NDUFAF7: variants seen among roughly 807,000 people sequenced by gnomAD.
The protein encoded by NDUFAF7 is NADH:ubiquinone oxidoreductase complex assembly factor 7.
In NDUFAF7, 48 loss-of-function variants were observed where a neutral mutation model predicts 47.2. That is an observed-to-expected ratio of 1.02 (90% CI 0.81 to 1.29). The LOEUF is 1.29. Ranked by LOEUF, NDUFAF7 falls within the 50% of genes most tolerant of loss-of-function variation. The pLI is 0.00. For synonymous variants in NDUFAF7, 217 were observed against 190.0 expected (o/e 1.14, Z -1.17); for missense variants, 635 against 537.6 (o/e 1.18, Z -1.79).
chr2:37,249,556 T>C (rs1391566618), downstream of NDUFAF7, among the ~76,000 whole-genome samples: 7 of 46,064 alleles, frequency 1.5e-4, no homozygotes, highest in East Asian at 1.3e-3. Context: ...TAGCCTGTGA[T>C]AGACACACAC....
At chr2:37,250,347 C>T (rs1572582330), downstream of NDUFAF7, among the ~76,000 whole-genome samples, 1 of 152,110 alleles carries the variant, frequency 6.6e-6, no homozygotes, top group Non-Finnish European at 1.5e-5. Context: ...GGGCTAGAGT[C>T]AGGCAATGCC....
At chr2:37,236,008 T>A in intron 2 of NDUFAF7, 88 bp from the exon 3 acceptor site, 1 of 1,123,906 alleles carries the variant, frequency 8.9e-7, no homozygotes, top group Non-Finnish European at 1.4e-6. Context: ...ATTATTTCAC[T>A]TTTACATTAT....
chr2:37,237,816 G>A lies in NDUFAF7; in HGVS notation c.357G>A (p.Gln119=), dbSNP rs1558493537. 1.9e-6 allele frequency: 3 copies of A among 1,613,774 alleles called. No individual in the cohort carries two copies. Among genetic ancestry groups the A allele is most frequent in the African/African-American group, 2.7e-5 (2 of 74,868 alleles). The change falls in exon 4 of 10, where the codon CAG becomes CAA. Residue 119 remains glutamine (Q), a synonymous_variant. Transcript: ENST00000002125. ...WMATGKSTAF[Q]LVELGPGRGT... ...CCACTGGAAAAAGCACAGCTTTCCAGCTGGTGGAACTGGGCCCAGGTAGGG... is the reference window on the plus strand; with the variant it reads ...CCACTGGAAAAAGCACAGCTTTCCAACTGGTGGAACTGGGCCCAGGTAGGG...
At chr2:37,270,197 A>C in the NDUFAF7 span, among the ~76,000 whole-genome samples, 4 of 152,116 alleles carry the variant, frequency 2.6e-5, no homozygotes, top group African/African-American at 7.2e-5. Context: ...ACTGCACTCC[A>C]GCCTGGGCAA....
At position 37,236,678 on chromosome 2, in the gene NDUFAF7, G is replaced by C. The variant is rs970163293; in HGVS notation, c.297+502G>C. Among the ~76,000 whole-genome samples, 3 of 151,882 alleles carry C rather than the reference G, an allele frequency of 2.0e-5. No individual in the cohort carries two copies. The East Asian group carries it at 5.9e-4, about 30-fold the overall frequency. On this transcript the variant is annotated intron_variant, in intron 3 of 9. Transcript: ENST00000002125. ...CGCCTGTAGTCCCAGCTACTTGGGA[G>C]GCTGAGGCAGGAGAATGGCGTGAAC...
At chr2:37,240,614 C>T (rs759163696) in intron 4 of NDUFAF7, among the ~76,000 whole-genome samples, 10 of 152,038 alleles carry the variant, frequency 6.6e-5, no homozygotes, top group Admixed American at 1.3e-4. Context: ...TGTTTTTCAG[C>T]AAGGTCATTT....
chr2:37,258,942 G>A, the NDUFAF7 span, among the ~76,000 whole-genome samples: 2 of 152,190 alleles, frequency 1.3e-5, no homozygotes, highest in Admixed American at 1.3e-4. Context: ...GAAAATGGCT[G>A]CAGGGTACCA....
chr2:37,246,743 G>A (rs1666952919), intron 8 of NDUFAF7, among the ~76,000 whole-genome samples: 1 of 148,594 alleles, frequency 6.7e-6, no homozygotes, highest in Non-Finnish European at 1.5e-5. Context: ...TTCTAGGTCT[G>A]TGGTTCTTAA....
At chr2:37,256,774 A>G, downstream of NDUFAF7, 1 of 1,613,796 alleles carries the variant, frequency 6.2e-7, no homozygotes, top group South Asian at 1.1e-5. Flanking sequence ...TGAGGCTCAC[A>G]TAGATGATAA....
chr2:37,255,447 G>A (rs967194225), downstream of NDUFAF7, among the ~76,000 whole-genome samples: 3 of 152,170 alleles, frequency 2.0e-5, no homozygotes, highest in African/African-American at 7.2e-5. Flanking sequence ...ATCAGTATCA[G>A]CAGACTAAAG....
At chr2:37,251,508 C>G (rs145265371), downstream of NDUFAF7, 279 of 152,632 alleles carry the variant, frequency 1.8e-3, 2 homozygotes, top group East Asian at 6.0e-3. Flanking sequence ...CACAGGAGTA[C>G]TGCATACTGT....
chr2:37,257,013 C>T, downstream of NDUFAF7: 1 of 1,367,274 alleles, frequency 7.3e-7, no homozygotes, highest in Non-Finnish European at 1.0e-6. Flanking sequence ...CTGTATGTAT[C>T]ATTTCAACAT....
At chr2:37,260,524 A>G in the NDUFAF7 span, 19 of 799,388 alleles carry the variant, frequency 2.4e-5, no homozygotes, top group Non-Finnish European at 3.0e-5. Context: ...AAAAATTACA[A>G]TCAATGAAAA....
At chr2:37,257,847 G>A (rs954295026), downstream of NDUFAF7, among the ~76,000 whole-genome samples, 1 of 151,536 alleles carries the variant, frequency 6.6e-6, no homozygotes, top group South Asian at 2.1e-4. Context: ...CTGCCCCAGT[G>A]AGTAACAGCA....
the NDUFAF7 span, among the ~76,000 whole-genome samples, chr2:37,258,976 T>C: frequency 1.3e-5 from 2 of 152,150 alleles, no homozygotes; most frequent in South Asian, 2.1e-4. Context: ...TTTCTCAGGA[T>C]GGTTGTTTCA....
At position 37,241,721 on chromosome 2, in the gene NDUFAF7, G is replaced by A; in HGVS notation, c.552G>A (p.Val184=). 1.9e-6 allele frequency: 3 copies of A among 1,613,962 alleles called. No individual in the cohort carries two copies. The highest frequency in any genetic ancestry group is 2.5e-6 in the Non-Finnish European group (3 of 1,179,992). The part of the protein sequence containing the change: ...VPLERNAGSP[V]YMKGVTKSGI... ...TAGAGCGAAATGCTGGATCCCCAGTGTATATGAAAGGTGTCACTAAGTCTG... is the reference window on the plus strand; with the variant it reads ...TAGAGCGAAATGCTGGATCCCCAGTATATATGAAAGGTGTCACTAAGTCTG... Residue 184 remains valine (V), a synonymous_variant, in exon 5 of 10, where the codon GTG becomes GTA. Transcript: ENST00000002125.
chr2:37,271,003 C>G, the NDUFAF7 span, among the ~76,000 whole-genome samples: 2 of 152,142 alleles, frequency 1.3e-5, no homozygotes, highest in Non-Finnish European at 2.9e-5. Context: ...AATATGCTGT[C>G]TATTCTACCT....
chr2:37,239,692 A>G (rs986589042), intron 4 of NDUFAF7, among the ~76,000 whole-genome samples: 2 of 152,186 alleles, frequency 1.3e-5, no homozygotes, highest in African/African-American at 4.8e-5. Flanking sequence ...ATCACAGTGG[A>G]ATATAACAGT....
chr2:37,269,648 G>A, the NDUFAF7 span: 1 of 1,613,106 alleles, frequency 6.2e-7, no homozygotes, highest in Admixed American at 1.7e-5. Context: ...CCTGAACCAA[G>A]CACCTCATCT....
Sources: allele counts gnomAD v4.1 joint callset (sites outside exome capture counted in the v4.1 genomes callset), GRCh38; gene constraint gnomAD v4.1.1; transcripts MANE v1.5; gene names NCBI Gene and HGNC (gene_info 2026-07-23, HGNC 2026-07-21).